ULK4: variants seen among roughly 807,000 people sequenced by gnomAD.
ULK4 encodes the protein unc-51 like kinase 4, also known as inactive serine/threonine-protein kinase ULK4.
Under a neutral mutation model 160.6 loss-of-function variants are expected in ULK4, and 133 were observed. The observed-to-expected ratio is 0.83, with a 90% CI of 0.72 to 0.96. The LOEUF (loss-of-function observed/expected upper bound fraction) is 0.96. Among genes scored for constraint, ULK4 ranks in the 40% least tolerant of loss-of-function variants. ULK4 has a pLI of 0.00. For missense variants in ULK4, 1,580 were observed against 1,499.5 expected, an observed-to-expected ratio of 1.05 and a Z score of -0.89; for synonymous variants, 534 against 539.8, an observed-to-expected ratio of 0.99 and a Z score of 0.15.
chr3:41,524,974 C>T (rs954452201), intron 32 of ULK4, among the ~76,000 whole-genome samples: 6 of 151,906 alleles, frequency 3.9e-5, no homozygotes, highest in African/African-American at 7.3e-5. Context: ...ACAAACAAAA[C>T]AAAGGAAGAG....
rs749756575 is a variant in ULK4 at position 41,706,849 on chromosome 3, A to ATGTGTG, written c.2635-1550_2635-1545dup. Reference sequence around the variant, plus strand: ...TCTCAAAAAAAAAAAAAAAAAAAATATGTGTGTGTGTGTGTGTGTGTGTGT... The same window carrying ATGTGTG: ...TCTCAAAAAAAAAAAAAAAAAAAATATGTGTGTGTGTGTGTGTGTGTGTGTGTGTGT... On this transcript the variant is annotated intron_variant, in intron 25 of 36. Coordinates refer to ENST00000301831, the MANE Select transcript of ULK4 (RefSeq NM_017886.4). Among the ~76,000 whole-genome samples, 363 of 102,354 alleles carry ATGTGTG rather than the reference A, an allele frequency of 3.5e-3. 1 individual carries two copies. Among genetic ancestry groups the ATGTGTG allele is most frequent in the African/African-American group, 0.011 (217 of 19,604 alleles). The allele number at this position is 102,354 out of a possible 152,430, so 67.1% of individuals were successfully genotyped here.
chr3:41,848,332 C>A (rs1281689218), intron 17 of ULK4, among the ~76,000 whole-genome samples: 1 of 152,124 alleles, frequency 6.6e-6, no homozygotes, highest in Non-Finnish European at 1.5e-5. Flanking sequence ...TTACAAACTT[C>A]CTGGATTTTT....
intron 21 of ULK4, among the ~76,000 whole-genome samples, chr3:41,784,981 C>G (rs1197496311): frequency 6.6e-6 from 1 of 152,160 alleles, no homozygotes; most frequent in Non-Finnish European, 1.5e-5. Context: ...AAGAAAAATA[C>G]AGCATGTGGC....
chr3:41,946,142 T>C (rs2148835586), intron 2 of ULK4, among the ~76,000 whole-genome samples: 1 of 152,324 alleles, frequency 6.6e-6, no homozygotes, highest in East Asian at 1.9e-4. Flanking sequence ...CAATTATGGT[T>C]TGTATACTCT....
At chr3:41,564,197 C>A (rs550572570) in intron 32 of ULK4, among the ~76,000 whole-genome samples, 55 of 152,150 alleles carry the variant, frequency 3.6e-4, no homozygotes, top group African/African-American at 1.3e-3. Context: ...GCGGAGGCTG[C>A]AGAACAGCAA....
intron 22 of ULK4, among the ~76,000 whole-genome samples, chr3:41,733,796 G>A (rs371578804): frequency 2.9e-5 from 4 of 138,894 alleles, no homozygotes; most frequent in African/African-American, 5.7e-5. Flanking sequence ...GTGCAGTGGC[G>A]CAATCTCACC....
chr3:41,488,200 G>C (rs2084614248), intron 32 of ULK4, among the ~76,000 whole-genome samples: 1 of 152,210 alleles, frequency 6.6e-6, no homozygotes, highest in African/African-American at 2.4e-5. Context: ...ACAGATATTT[G>C]AGAGTAACTT....
chr3:41,935,798 T>A lies in ULK4; in HGVS notation c.378+3A>T, dbSNP rs1448773755. 6.3e-7 allele frequency: 1 copy of A among 1,599,082 alleles called. No individual in the cohort carries two copies. Among genetic ancestry groups the A allele is most frequent in the African/African-American group, 1.4e-5 (1 of 74,050 alleles). ...TAGAAAATCAAAAACTTTCATGAATTACCTTCCTAGGAGAAATGTCACAAA... is the reference window on the plus strand; with the variant it reads ...TAGAAAATCAAAAACTTTCATGAATAACCTTCCTAGGAGAAATGTCACAAA... On this transcript the variant is annotated splice_donor_region_variant and intron_variant, in intron 4 of 36. Coordinates refer to ENST00000301831, the MANE Select transcript of ULK4 (RefSeq NM_017886.4).
At chr3:41,664,345 G>A (rs1035897625) in intron 29 of ULK4, among the ~76,000 whole-genome samples, 2 of 152,140 alleles carry the variant, frequency 1.3e-5, no homozygotes, top group South Asian at 4.1e-4. Context: ...GAATCATATG[G>A]GAAAGGGTGC....
At chr3:41,561,028 G>T (rs1197492146) in intron 32 of ULK4, among the ~76,000 whole-genome samples, 2 of 152,164 alleles carry the variant, frequency 1.3e-5, no homozygotes, top group Non-Finnish European at 2.9e-5. Flanking sequence ...CTTATTTTGA[G>T]ATACGTTCCT....
At chr3:41,454,489 G>A (rs1193118018) in intron 34 of ULK4, among the ~76,000 whole-genome samples, 2 of 141,288 alleles carry the variant, frequency 1.4e-5, no homozygotes, top group Non-Finnish European at 3.0e-5. Flanking sequence ...GCAGTGAGCT[G>A]AGATCATGCC....
chr3:41,486,926 CAAAGCAATAAAG>C (rs2084558270), intron 32 of ULK4, among the ~76,000 whole-genome samples: 1 of 151,720 alleles, frequency 6.6e-6, no homozygotes, highest in South Asian at 2.1e-4. Flanking sequence ...GTAATCTAGC[CAAAGCAATAAAG>C]AAAGGAAATA....
intron 35 of ULK4, among the ~76,000 whole-genome samples, chr3:41,354,684 T>C (rs2080993353): frequency 1.3e-5 from 2 of 152,114 alleles, no homozygotes; most frequent in South Asian, 4.2e-4. Flanking sequence ...TCCTGGAAGA[T>C]CAGGAAATGA....
At chr3:41,376,878 C>A (rs1160047964) in intron 35 of ULK4, among the ~76,000 whole-genome samples, 8 of 149,330 alleles carry the variant, frequency 5.4e-5, no homozygotes, top group African/African-American at 7.6e-5. Context: ...AAACTACTTT[C>A]AAGTTCATAT....
At chr3:41,879,093 A>G (rs767686404) in intron 17 of ULK4, among the ~76,000 whole-genome samples, 5 of 152,154 alleles carry the variant, frequency 3.3e-5, no homozygotes, top group Non-Finnish European at 7.3e-5. Flanking sequence ...AAAATAAGAG[A>G]CCAGGAATTA....
intron 18 of ULK4, among the ~76,000 whole-genome samples, chr3:41,826,916 T>A (rs866960330): frequency 0.16 from 19,630 of 124,932 alleles, 2,198 homozygotes; most frequent in African/African-American, 0.31. Context: ...GAAGTAAAGC[T>A]CTCCTCAGCA....
intron 31 of ULK4, among the ~76,000 whole-genome samples, chr3:41,588,044 T>C (rs1194798744): frequency 2.6e-5 from 4 of 152,160 alleles, no homozygotes; most frequent in African/African-American, 7.2e-5. Flanking sequence ...ATCCACAAGA[T>C]TGCTGTTGAA....
chr3:41,824,561 C>T lies in ULK4; in HGVS notation c.1765-5055G>A, dbSNP rs536843414. On this transcript the variant is annotated intron_variant, in intron 18 of 36. Coordinates refer to ENST00000301831, the MANE Select transcript of ULK4 (RefSeq NM_017886.4). ...AGGGTCCTACGCCCATGAAGCCTCGCTCATTGCTAGCACAGCAGTCTGAGA... is the reference window on the plus strand; with the variant it reads ...AGGGTCCTACGCCCATGAAGCCTCGTTCATTGCTAGCACAGCAGTCTGAGA... 3.1e-4 allele frequency among the ~76,000 whole-genome samples: 47 copies of T among 152,316 alleles called. 2 individuals carry two copies. The South Asian group carries it at 8.7e-3, about 28-fold the overall frequency.
At chr3:41,743,644 T>C (rs1324791009) in intron 22 of ULK4, among the ~76,000 whole-genome samples, 1 of 151,964 alleles carries the variant, frequency 6.6e-6, no homozygotes, top group Non-Finnish European at 1.5e-5. Flanking sequence ...GCTCAATGCA[T>C]GCAGAGAGAA....
Sources: gnomAD v4.1 joint callset for allele counts (sites outside exome capture counted in the v4.1 genomes callset) on GRCh38, gnomAD v4.1.1 for gene constraint, MANE v1.5 for transcripts, NCBI Gene and HGNC (gene_info 2026-07-23, HGNC 2026-07-21) for gene names.